The following SAMD12 variants were observed in gnomAD, a reference collection of about 807,000 sequenced individuals.
SAMD12 encodes the protein sterile alpha motif domain containing 12, also known as sterile alpha motif domain-containing protein 12.
Under a neutral mutation model 15.0 loss-of-function variants are expected in SAMD12, and 9 were observed. The observed-to-expected ratio is 0.60, with a 90% CI of 0.36 to 1.05. The LOEUF is 1.05. Among genes scored for constraint, SAMD12 ranks in the 50% least tolerant of loss-of-function variants. The pLI, the probability that SAMD12 is intolerant of heterozygous loss-of-function variation, is 0.01. For synonymous variants in SAMD12, 86 were observed against 90.1 expected, an observed-to-expected ratio of 0.96 and a Z score of 0.25; for missense variants, 230 against 234.2, an observed-to-expected ratio of 0.98 and a Z score of 0.12.
At chr8:118,478,822 G>T (rs1824040203) in intron 2 of SAMD12, among the ~76,000 whole-genome samples, 1 of 152,208 alleles carries the variant, frequency 6.6e-6, no homozygotes, top group African/African-American at 2.4e-5. Context: ...CCAGCAGTGA[G>T]TGGGAGCTCC....
chr8:118,371,323 T>C (rs1168373950), intron 4 of SAMD12, among the ~76,000 whole-genome samples: 1 of 152,102 alleles, frequency 6.6e-6, no homozygotes, highest in Non-Finnish European at 1.5e-5. Flanking sequence ...TGAAGTAGAA[T>C]TGAGGGAGCA....
At chr8:118,480,598 A>G (rs907370039) in intron 2 of SAMD12, among the ~76,000 whole-genome samples, 10 of 152,214 alleles carry the variant, frequency 6.6e-5, no homozygotes, top group African/African-American at 2.4e-4. Context: ...AACTGTTGCA[A>G]TAGTCTCCTA....
Position 118,498,222 on chromosome 8 carries a change from C to T in SAMD12, c.193-58261G>A, listed in dbSNP as rs191136988. ...CAACCCATTTAATCTTTTCAATGAC[C>T]GCCAAGTCACAGGAACAGTCTCAGC... On this transcript the variant is annotated intron_variant, in intron 2 of 3. Transcript: ENST00000314727. Among the ~76,000 whole-genome samples, 6 of 152,176 alleles carry T rather than the reference C, an allele frequency of 3.9e-5. No homozygotes were observed. The East Asian group carries it at 9.6e-4, about 24-fold the overall frequency.
the SAMD12 span, among the ~76,000 whole-genome samples, chr8:118,152,454 C>CCCTTCCTT: frequency 6.9e-6 from 1 of 144,280 alleles, no homozygotes; most frequent in African/African-American, 2.6e-5. Context: ...CTCCCTCCCT[C>CCCTTCCTT]CCTACCTTCC....
chr8:118,612,097 G>T (rs947324936), intron 1 of SAMD12, among the ~76,000 whole-genome samples: 2 of 152,082 alleles, frequency 1.3e-5, no homozygotes, highest in Non-Finnish European at 2.9e-5. Flanking sequence ...ATTTTCTCAG[G>T]CTTCACGAGA....
intron 3 of SAMD12, among the ~76,000 whole-genome samples, chr8:118,383,273 C>G (rs1248258040): frequency 1.3e-5 from 2 of 152,098 alleles, no homozygotes; most frequent in African/African-American, 4.8e-5. Context: ...TTCAGGCTGA[C>G]AAGGAAGGTA....
chr8:118,302,346 T>A (rs1391048539), intron 4 of SAMD12, among the ~76,000 whole-genome samples: 5 of 152,300 alleles, frequency 3.3e-5, no homozygotes, highest in Middle Eastern at 3.4e-3. Context: ...ATGTGTTTAT[T>A]GAGTATGTAC....
At chr8:118,325,027 A>G (rs573932845) in intron 4 of SAMD12, among the ~76,000 whole-genome samples, 35 of 152,310 alleles carry the variant, frequency 2.3e-4, no homozygotes, top group African/African-American at 8.4e-4. Context: ...AAGAGCAAAC[A>G]TGACTGGGAA....
chr8:118,168,227 C>T, the SAMD12 span, among the ~76,000 whole-genome samples: 1 of 152,136 alleles, frequency 6.6e-6, no homozygotes. Context: ...TACACAATGG[C>T]TCTTTTACCC....
chr8:118,591,674 C>T (rs550302250), intron 1 of SAMD12, among the ~76,000 whole-genome samples: 1 of 151,274 alleles, frequency 6.6e-6, no homozygotes, highest in African/African-American at 2.4e-5. Context: ...AGTAGGAAGA[C>T]AAGAAGGAAA....
chr8:118,377,261 G>A (rs2130702783), downstream of SAMD12, among the ~76,000 whole-genome samples: 1 of 151,966 alleles, frequency 6.6e-6, no homozygotes, highest in Non-Finnish European at 1.5e-5. Context: ...AGCCTGGTGT[G>A]GTGGTGCATG....
At position 118,353,327 on chromosome 8, in the gene SAMD12, A is replaced by G. The variant is rs956078121; in HGVS notation, c.433+26233T>C. On this transcript the variant is annotated intron_variant, in intron 4 of 4. Coordinates refer to the SAMD12 transcript ENST00000409003. ...ATGAACTTAATGTTTGTGCCCCACC[A>G]AAAGAAAAATTTATATGTTGAAGCC... 3.3e-5 allele frequency among the ~76,000 whole-genome samples: 5 copies of G among 151,416 alleles called. No homozygotes were observed. In the South Asian group the frequency reaches 1.1e-3, roughly 32 times the overall value.
chr8:118,536,135 C>T (rs745584734), intron 2 of SAMD12, among the ~76,000 whole-genome samples: 2 of 152,180 alleles, frequency 1.3e-5, no homozygotes, highest in Non-Finnish European at 2.9e-5. Context: ...TTTCTGTTTC[C>T]ATTCCACTAG....
intron 4 of SAMD12, among the ~76,000 whole-genome samples, chr8:118,370,572 G>A (rs1819038500): frequency 6.6e-6 from 1 of 152,022 alleles, no homozygotes; most frequent in Non-Finnish European, 1.5e-5. Context: ...AAGAAAATGT[G>A]GTACATATAC....
rs191588297 is a variant in SAMD12, at chr8:118,460,030, T to A, written c.193-20069A>T. On this transcript the variant is annotated intron_variant, in intron 2 of 3. Coordinates refer to ENST00000314727, the MANE Select transcript of SAMD12 (RefSeq NM_207506.3). Reference sequence around the variant, plus strand: ...GCTGTCTATTTTAAAATGAGGTGGTTAGGGTCACTTCCTATCACAACTACA... The same window carrying A: ...GCTGTCTATTTTAAAATGAGGTGGTAAGGGTCACTTCCTATCACAACTACA... 5.9e-5 allele frequency among the ~76,000 whole-genome samples: 9 copies of A among 152,324 alleles called. No individual in the cohort carries two copies. In the East Asian group the frequency reaches 1.7e-3, roughly 29 times the overall value.
chr8:118,179,510 G>A, the SAMD12 span, among the ~76,000 whole-genome samples: 1 of 151,870 alleles, frequency 6.6e-6, no homozygotes, highest in East Asian at 1.9e-4. Flanking sequence ...GGCCAGGTAC[G>A]AGGGGTAGTA....
chr8:118,294,299 C>T (rs190978235), intron 4 of SAMD12, among the ~76,000 whole-genome samples: 1 of 152,168 alleles, frequency 6.6e-6, no homozygotes, highest in African/African-American at 2.4e-5. Context: ...GACTGTACAT[C>T]CTGACTTTCC....
chr8:118,608,705 T>C (rs959634487), intron 1 of SAMD12, among the ~76,000 whole-genome samples: 1 of 152,110 alleles, frequency 6.6e-6, no homozygotes, highest in African/African-American at 2.4e-5. Flanking sequence ...GGTTTCGCTA[T>C]GTTGGCCAGG....
At chr8:118,256,626 A>G (rs910686110) in intron 4 of SAMD12, among the ~76,000 whole-genome samples, 4 of 152,090 alleles carry the variant, frequency 2.6e-5, no homozygotes, top group Admixed American at 6.6e-5. Flanking sequence ...CCATTTTACC[A>G]TCTTTAAAAT....
Sources: allele counts gnomAD v4.1 joint callset (sites outside exome capture counted in the v4.1 genomes callset), GRCh38; gene constraint gnomAD v4.1.1; transcripts MANE v1.5; gene names NCBI Gene and HGNC (gene_info 2026-07-23, HGNC 2026-07-21).